Variants in AHRR observed in about 807,000 individuals in gnomAD.
AHRR encodes ahR repressor.
A neutral mutation model predicts 44.0 loss-of-function variants in AHRR; 28 were observed. The ratio of observed to expected loss-of-function variants is 0.64; its 90% CI spans 0.47 to 0.87. The LOEUF is 0.87. AHRR is among the 40% of genes least tolerant of loss of function. The pLI, the probability that AHRR is intolerant of heterozygous loss-of-function variation, is 0.00. For missense variants in AHRR, 990 were observed against 953.9 expected (o/e 1.04, Z -0.50); for synonymous variants, 434 against 407.0 (o/e 1.07, Z -0.80).
chr5:424,123 G>T, intron 7 of AHRR, 146 bp downstream of exon 7: 1 of 1,253,080 alleles, frequency 8.0e-7, no homozygotes, highest in African/African-American at 1.5e-5. Flanking sequence ...TGAGCTCTGT[G>T]TACCCTGTGA....
intron 8 of AHRR, 84 bp downstream of exon 8, chr5:428,090 CTTCT>C (rs1736552409): frequency 4.2e-6 from 6 of 1,416,348 alleles, no homozygotes; most frequent in Non-Finnish European, 5.8e-6. Flanking sequence ...TTTTCTGTGT[CTTCT>C]TTCTTCATTT....
At chr5:427,062 G>C (rs917167782) in intron 7 of AHRR, among the ~76,000 whole-genome samples, 8 of 151,952 alleles carry the variant, frequency 5.3e-5, no homozygotes, top group African/African-American at 1.9e-4. Flanking sequence ...TGGATGGATG[G>C]GTGGATGGAT....
intron 3 of AHRR, among the ~76,000 whole-genome samples, chr5:376,206 G>A (rs1038186118): frequency 2.1e-4 from 30 of 140,522 alleles, no homozygotes; most frequent in Admixed American, 3.5e-4. Context: ...GGGAGGGGCC[G>A]TAGGGACCTC....
rs532372707 is a variant in AHRR, at chr5:354,014, C to T, written c.244+103C>T. ...CAGGTGAAGTGTGTCTGGTGGGTTG[C>T]ACCATGTGCACTCCCTTCTTCCCCC... On this transcript the variant is annotated intron_variant, in intron 3 of 10. Coordinates refer to ENST00000684583, the MANE Select transcript of AHRR (RefSeq NM_001377236.1). The T allele has an allele frequency of 5.8e-5, 70 of 1,214,850 alleles. No individual in the cohort carries two copies. The South Asian group carries it at 9.0e-4, about 16-fold the overall frequency. The allele number at this position is 1,214,850 out of a possible 1,614,324, so 75.3% of individuals were successfully genotyped here. A position where few individuals can be genotyped will look rare whatever the true frequency, so the allele number is the denominator to read the frequency against.
At chr5:427,735 G>A (rs1327983125) in intron 7 of AHRR, 72 bp from the exon 8 acceptor site, 1 of 1,613,294 alleles carries the variant, frequency 6.2e-7, no homozygotes, top group Admixed American at 1.7e-5. Context: ...GCGCCCTTGA[G>A]TTCTGTGTCC....
chr5:410,644 T>C (rs1471786274), intron 4 of AHRR, among the ~76,000 whole-genome samples: 4 of 152,268 alleles, frequency 2.6e-5, no homozygotes, highest in African/African-American at 9.6e-5. Flanking sequence ...AGCCTTTCAA[T>C]CCAGGAACAC....
In AHRR at chr5:434,415, G is replaced by C. The variant is rs530800398; in HGVS notation, c.1675G>C (p.Asp559His). Reference sequence around the variant, plus strand: ...CAGCCAGGTGTGGCTGGGGGCCAGTGACAGGAGCCACCCAGCCACCTTCCC... The same window carrying C: ...CAGCCAGGTGTGGCTGGGGGCCAGTCACAGGAGCCACCCAGCCACCTTCCC... ...VPSQVWLGAS[D>H]RSHPATFPTR... Residue 559 changes from aspartate to histidine, a missense_variant, in exon 11 of 11, where the codon GAC becomes CAC. Asp to His is a moderately conservative substitution (Grantham distance 81). Coordinates refer to ENST00000684583, the MANE Select transcript of AHRR (RefSeq NM_001377236.1). The C allele has an allele frequency of 5.6e-6, 9 of 1,613,180 alleles. No individual in the cohort carries two copies. In the East Asian group the frequency reaches 2.0e-4, roughly 36 times the overall value.
intron 7 of AHRR, 107 bp from the exon 8 acceptor site, chr5:427,700 C>T: frequency 1.9e-6 from 3 of 1,613,686 alleles, no homozygotes; most frequent in Non-Finnish European, 2.5e-6. Flanking sequence ...GGTGAGCTGC[C>T]TCCCTACGAA....
At chr5:349,497 G>T (rs1281105325) in intron 2 of AHRR, among the ~76,000 whole-genome samples, 1 of 151,616 alleles carries the variant, frequency 6.6e-6, no homozygotes, top group South Asian at 2.1e-4. Context: ...GGAGAATGGC[G>T]TGAACTCCGG....
rs1278451319 is a variant in AHRR at position 434,584 on chromosome 5, A to G, written c.1844A>G (p.His615Arg). The G allele has an allele frequency of 3.2e-6, 5 of 1,576,700 alleles. No homozygotes were observed. Among genetic ancestry groups the G allele is most frequent in the Non-Finnish European group, 4.3e-6 (5 of 1,161,596 alleles). The change falls in exon 11 of 11, where the codon CAC becomes CGC. Residue 615 changes from histidine (H) to arginine (R), a missense_variant. Physicochemically the swap from His to Arg is conservative, Grantham distance 29. Transcript: ENST00000684583. ...SRELTPFHPA[H>R]CACLEPTDGL... is the part of the protein sequence containing the mutation. Reference sequence around the variant, plus strand: ...GAGCTGACCCCTTTCCACCCTGCACACTGTGCCTGCCTGGAGCCCACAGAC... The same window carrying G: ...GAGCTGACCCCTTTCCACCCTGCACGCTGTGCCTGCCTGGAGCCCACAGAC...
chr5:399,284 A>G (rs998643565), intron 4 of AHRR, among the ~76,000 whole-genome samples: 12 of 152,188 alleles, frequency 7.9e-5, no homozygotes, highest in Admixed American at 7.2e-4. Context: ...CCCCGGCAGG[A>G]TGGGCCTGGC....
At chr5:334,827 G>A (rs6555178) in intron 1 of AHRR, among the ~76,000 whole-genome samples, 15,194 of 152,002 alleles carry the variant, frequency 0.1, 2,472 homozygotes, top group African/African-American at 0.34. Flanking sequence ...GCTTTTTCTT[G>A]TTTTGGGGTT....
Position 432,928 on chromosome 5 carries a change from G to T in AHRR, c.1093G>T (p.Asp365Tyr). Reference sequence around the variant, plus strand: ...CCGGGGTGGCCCTGACCTTGTCCTTGACCCCAAGGGGGGCTCAGGGTAAGT... The same window carrying T: ...CCGGGGTGGCCCTGACCTTGTCCTTTACCCCAAGGGGGGCTCAGGGTAAGT... ...CLRGGPDLVL[D>Y]PKGGSGDREE... Residue 365 changes from aspartate (D) to tyrosine (Y), a missense_variant, in exon 10 of 11, where the codon GAC becomes TAC. Coordinates refer to ENST00000684583, the MANE Select transcript of AHRR (RefSeq NM_001377236.1). 3 of 1,609,786 alleles carry T rather than the reference G, an allele frequency of 1.9e-6. No homozygotes were observed. Among genetic ancestry groups the T allele is most frequent in the Non-Finnish European group, 2.5e-6 (3 of 1,177,942 alleles).
At chr5:353,606 C>T (rs1742936638) in intron 2 of AHRR, 124 bp from the exon 3 acceptor site, 3 of 863,806 alleles carry the variant, frequency 3.5e-6, no homozygotes, top group Non-Finnish European at 5.2e-6. Context: ...GTCCTCTTCC[C>T]GTCTTTTGTC....
chr5:397,815 G>A (rs1435932713), intron 4 of AHRR, among the ~76,000 whole-genome samples: 6 of 91,206 alleles, frequency 6.6e-5, no homozygotes, highest in African/African-American at 1.4e-4. Context: ...GACCGTCCAC[G>A]TAGCTCCTGA....
chr5:434,501 G>A lies in AHRR; in HGVS notation c.1761G>A (p.Leu587=). The change falls in exon 11 of 11, where the codon CTG becomes CTA. Residue 587 remains leucine, a synonymous_variant. Coordinates refer to ENST00000684583, the MANE Select transcript of AHRR (RefSeq NM_001377236.1). ...DSRQQVYISH[L]GHGVRGAQPH... ...GGCAACAGGTGTACATCTCGCACCT[G>A]GGGCACGGCGTGCGGGGGGCTCAGC... 5 of 1,612,882 alleles carry A rather than the reference G, an allele frequency of 3.1e-6. No homozygotes were observed. Among genetic ancestry groups the A allele is most frequent in the African/African-American group, 1.3e-5 (1 of 75,038 alleles).
At chr5:412,435 A>C (rs1735503006) in intron 4 of AHRR, among the ~76,000 whole-genome samples, 1 of 152,162 alleles carries the variant, frequency 6.6e-6, no homozygotes, top group African/African-American at 2.4e-5. Flanking sequence ...GCTCCAGAAA[A>C]TGGAAGGAAA....
intron 5 of AHRR, chr5:422,265 C>T: frequency 4.2e-6 from 1 of 236,626 alleles, no homozygotes; most frequent in Non-Finnish European, 8.4e-6. Context: ...GGAGAGAGGA[C>T]TAGAGAGAGG....
chr5:326,651 G>C lies in AHRR; in HGVS notation c.-11+4832G>C, dbSNP rs1741722792. Among the ~76,000 whole-genome samples, 4 of 152,084 alleles carry C rather than the reference G, an allele frequency of 2.6e-5. No homozygotes were observed. The South Asian group carries it at 8.3e-4, about 32-fold the overall frequency. On this transcript the variant is annotated intron_variant, in intron 1 of 10. Transcript: ENST00000684583. This position sits in a 1 kb window ranked among gnomAD's most constrained non-coding sequence, Gnocchi z 4.1. The stretch of plus-strand genomic sequence containing the variant: ...GTGATTCTGTGTTTAACTTTTTGAG[G>C]AAACACCACACTTTTCCACAGCAGG...
Sources: gnomAD v4.1 joint callset for allele counts (sites outside exome capture counted in the v4.1 genomes callset) on GRCh38, gnomAD v4.1.1 for gene constraint, Gnocchi (gnomAD v3.1) non-coding constraint, MANE v1.5 for transcripts, NCBI Gene and HGNC (gene_info 2026-07-23, HGNC 2026-07-21) for gene names.